RBM20: variants seen among roughly 807,000 people sequenced by gnomAD.
RBM20 encodes the protein RNA binding motif protein 20, also known as RNA-binding protein 20.
A neutral mutation model predicts 110.1 loss-of-function variants in RBM20; 51 were observed. The ratio of observed to expected loss-of-function variants is 0.46; its 90% confidence interval spans 0.37 to 0.59. The LOEUF is 0.59. Among genes scored for constraint, RBM20 ranks in the 20% least tolerant of loss-of-function variants. The pLI, the probability that RBM20 is intolerant of heterozygous loss-of-function variation, is 0.00. For missense variants in RBM20, 1,512 were observed against 1,574.9 expected (o/e 0.96, Z 0.68); for synonymous variants, 589 against 618.2 (o/e 0.95, Z 0.70).
Position 110,809,218 on chromosome 10 carries a change from T to TAAAAAAAAAA in RBM20, c.1801-1160_1801-1151dup, listed in dbSNP as rs60697105. 2.8e-3 allele frequency among the ~76,000 whole-genome samples: 169 copies of TAAAAAAAAAA among 60,716 alleles called. 12 individuals carry two copies. Among genetic ancestry groups the TAAAAAAAAAA allele is most frequent in the African/African-American group, 7.3e-3 (145 of 19,756 alleles). 39.8% of individuals were successfully genotyped at this position (60,716 alleles called of 152,430 possible). ...AGTGACAGAGCAAGACCCCGTTTCT[T>TAAAAAAAAAA]AAAAAAAAAAAAAATTGCATGATTC... On this transcript the variant is annotated intron_variant, in intron 7 of 13. Coordinates refer to ENST00000369519, the MANE Select transcript of RBM20 (RefSeq NM_001134363.3).
At chr10:110,736,377 CTG>C (rs138444747) in intron 1 of RBM20, among the ~76,000 whole-genome samples, 22,153 of 152,142 alleles carry the variant, frequency 0.15, 2,136 homozygotes, top group East Asian at 0.27. Flanking sequence ...TGTCAAGACA[CTG>C]TTGTATAAAA....
rs561085365 is a variant in RBM20 at position 110,781,142 on chromosome 10, G to C, written c.533G>C (p.Arg178Pro). The change falls in exon 2 of 14, where the codon CGA becomes CCA. Residue 178 changes from arginine to proline, a missense_variant. By Grantham distance (103) the Arg-to-Pro change is moderately radical (BLOSUM62 -2). This residue lies in a region of RBM20 where 1,149 missense variants were observed against 1,169.4 expected (regional missense o/e 0.98). Transcript: ENST00000369519. ...GCCTTTTCACCCCCCAGCCAGACAC[G>C]AGGCCCCGGACCCTCCATGAACCTT... ...AIAFSPPSQT[R>P]GPGPSMNLPN... is the part of the protein sequence containing the mutation. The C allele has an allele frequency of 6.4e-7, 1 of 1,551,604 alleles. No individual in the cohort carries two copies. Among genetic ancestry groups the C allele is most frequent in the East Asian group, 2.4e-5 (1 of 40,918 alleles).
chr10:110,689,644 GTT>G (rs1862557133), intron 1 of RBM20, among the ~76,000 whole-genome samples: 1 of 104,098 alleles, frequency 9.6e-6, no homozygotes, highest in Non-Finnish European at 2.3e-5. Context: ...AATCTAGGGA[GTT>G]TGTTTGTTGG....
chr10:110,771,272 C>G (rs748096993), intron 1 of RBM20, among the ~76,000 whole-genome samples: 1 of 151,922 alleles, frequency 6.6e-6, no homozygotes, highest in African/African-American at 2.4e-5. Flanking sequence ...ACTACAGGCG[C>G]GCACCACTAT....
chr10:110,644,568 G>T lies in RBM20; in HGVS notation c.114G>T (p.Pro38=), dbSNP rs571013198. 9.5e-5 allele frequency: 145 copies of T among 1,526,776 alleles called. No individual in the cohort carries two copies. In the South Asian group the frequency reaches 1.6e-3, roughly 17 times the overall value. The allele number at this position is 1,526,776 out of a possible 1,614,324, so 94.6% of individuals were successfully genotyped here. The change falls in exon 1 of 14, where the codon CCG becomes CCT. Residue 38 remains proline (P), a synonymous_variant. Coordinates refer to ENST00000369519, the MANE Select transcript of RBM20 (RefSeq NM_001134363.3). This position sits in a 1 kb window ranked among gnomAD's most constrained non-coding sequence, Gnocchi z 4.3. ...GARASPAPSG[P]RGMQQPPPPP... is the part of the protein sequence containing the mutation. ...GGGCGTCCCCGGCACCCTCCGGCCCGCGAGGGATGCAGCAGCCGCCGCCGC... is the reference window on the plus strand; with the variant it reads ...GGGCGTCCCCGGCACCCTCCGGCCCTCGAGGGATGCAGCAGCCGCCGCCGC...
At position 110,707,475 on chromosome 10, in the gene RBM20, T is replaced by A. The variant is rs554691606; in HGVS notation, c.191+62830T>A. On this transcript the variant is annotated intron_variant, in intron 1 of 13. Coordinates refer to ENST00000369519, the MANE Select transcript of RBM20 (RefSeq NM_001134363.3). ...TTTTATTGCCTGCCATTCTGCTGAT[T>A]TATTTCCTAGAGAAAGTTAAACATT... Among the ~76,000 whole-genome samples the A allele has an allele frequency of 2.6e-5, 4 of 152,368 alleles. No individual in the cohort carries two copies. In the East Asian group the frequency reaches 7.7e-4, roughly 29 times the overall value.
chr10:110,645,580 T>C (rs2134795235), intron 1 of RBM20, among the ~76,000 whole-genome samples: 1 of 152,284 alleles, frequency 6.6e-6, no homozygotes, highest in East Asian at 1.9e-4. Context: ...ACAGCAGAGG[T>C]TTTCTGCTGC....
intron 10 of RBM20, 65 bp downstream of exon 10, chr10:110,820,241 G>T: frequency 1.9e-6 from 2 of 1,079,824 alleles, no homozygotes; most frequent in South Asian, 1.4e-5. Context: ...TCCCCCTTTT[G>T]CCTGGTGATG....
chr10:110,655,276 G>GC (rs1862005428), intron 1 of RBM20, among the ~76,000 whole-genome samples: 1 of 56,178 alleles, frequency 1.8e-5, no homozygotes, highest in East Asian at 7.9e-4. Context: ...CCCCACCCCC[G>GC]CCCTTTTTTT....
At chr10:110,683,374 G>T (rs149640975) in intron 1 of RBM20, among the ~76,000 whole-genome samples, 3 of 152,184 alleles carry the variant, frequency 2.0e-5, no homozygotes, top group Non-Finnish European at 4.4e-5. Context: ...AAGAGTGTCC[G>T]CATTAGAGCG....
At chr10:110,716,212 G>A (rs989132616) in intron 1 of RBM20, among the ~76,000 whole-genome samples, 4 of 152,178 alleles carry the variant, frequency 2.6e-5, no homozygotes, top group Admixed American at 6.5e-5. Context: ...TGGTAGGTGC[G>A]TAATTAGGGG....
chr10:110,659,134 A>G (rs1862064493), intron 1 of RBM20, among the ~76,000 whole-genome samples: 1 of 152,236 alleles, frequency 6.6e-6, no homozygotes, highest in Non-Finnish European at 1.5e-5. Flanking sequence ...GTGATGAGAA[A>G]TACTAGTCAG....
At chr10:110,767,318 G>A (rs1442575335) in intron 1 of RBM20, among the ~76,000 whole-genome samples, 1 of 143,406 alleles carries the variant, frequency 7.0e-6, no homozygotes, top group Non-Finnish European at 1.5e-5. Flanking sequence ...CCTCCCGGAC[G>A]GGGCGGCTAG....
chr10:110,721,974 G>T (rs539289887), intron 1 of RBM20, among the ~76,000 whole-genome samples: 39 of 152,200 alleles, frequency 2.6e-4, no homozygotes, highest in African/African-American at 9.2e-4. Flanking sequence ...GAGAGGGGAG[G>T]GCTCCCTCCT....
intron 12 of RBM20, among the ~76,000 whole-genome samples, chr10:110,824,636 G>A (rs1214693719): frequency 1.3e-5 from 2 of 152,174 alleles, no homozygotes; most frequent in African/African-American, 4.8e-5. Context: ...CCTTTTCAAA[G>A]AGAAGAGTTA....
At position 110,837,365 on chromosome 10, in the gene RBM20, C is replaced by G. The variant is rs1480053936; in HGVS notation, c.*1387C>G. ...TGGGGGAAATGAGGCTCTGCCACAG[C>G]CATAGAGAGGCCCTCGGGCAGTTAA... is the stretch of plus-strand genomic sequence containing the variant. On this transcript the variant is annotated 3_prime_UTR_variant, in exon 14 of 14. Transcript: ENST00000369519. 1 of 152,188 alleles carries G rather than the reference C, an allele frequency of 6.6e-6. No individual in the cohort carries two copies. Among genetic ancestry groups the G allele is most frequent in the East Asian group, 1.9e-4 (1 of 5,200 alleles). The allele number at this position is 152,188 out of a possible 1,614,324, so 9.4% of individuals were successfully genotyped here. A position where few individuals can be genotyped will look rare whatever the true frequency, so the allele number is the denominator to read the frequency against.
chr10:110,694,907 G>T (rs1002840821), intron 1 of RBM20, among the ~76,000 whole-genome samples: 7 of 152,166 alleles, frequency 4.6e-5, no homozygotes, highest in Admixed American at 4.6e-4. Context: ...ATTGGAGTAA[G>T]TCAGGCTAGT....
chr10:110,674,442 C>A (rs1297708068), intron 1 of RBM20, among the ~76,000 whole-genome samples: 1 of 152,214 alleles, frequency 6.6e-6, no homozygotes, highest in Non-Finnish European at 1.5e-5. Context: ...TGAGCATCCT[C>A]TGAGAATCAT....
intron 13 of RBM20, chr10:110,831,413 T>G (rs79106349): frequency 2.2e-6 from 1 of 452,242 alleles, no homozygotes; most frequent in Non-Finnish European, 4.0e-6. Context: ...ATAGACTTGA[T>G]TCCATCAGGC....
Sources: allele counts gnomAD v4.1 joint callset (sites outside exome capture counted in the v4.1 genomes callset), GRCh38; gene constraint gnomAD v4.1.1; regional missense constraint gnomAD v4.1.1; non-coding constraint Gnocchi (gnomAD v3.1); transcripts MANE v1.5; gene names NCBI Gene and HGNC (gene_info 2026-07-23, HGNC 2026-07-21).